The following PCDHGA2 variants were observed in gnomAD, a reference collection of about 807,000 sequenced individuals.
PCDHGA2 encodes the protein protocadherin gamma subfamily A, 2.
In PCDHGA2, 40 loss-of-function variants were observed where a neutral mutation model predicts 59.2. The observed-to-expected ratio is 0.68, with a 90% CI of 0.52 to 0.88. PCDHGA2 has a LOEUF of 0.88. Ranked by LOEUF, PCDHGA2 falls within the 40% of genes least tolerant of loss-of-function variation. The probability of loss-of-function intolerance (pLI) is 0.00; values close to 1 mark genes in which losing one functional copy is unlikely to be tolerated. For missense variants in PCDHGA2, 1,226 were observed against 1,204.0 expected, an observed-to-expected ratio of 1.02 and a Z score of -0.27; for synonymous variants, 560 against 526.0, an observed-to-expected ratio of 1.06 and a Z score of -0.89.
chr5:141,370,935 A>T (rs961930132), intron 1 of PCDHGA2: 2 of 1,613,850 alleles, frequency 1.2e-6, no homozygotes, highest in Admixed American at 3.3e-5. Flanking sequence ...CTTCTCTTTG[A>T]TTCAGAAGGA....
intron 1 of PCDHGA2, chr5:141,404,341 AAAC>A (rs769977252): frequency 6.2e-7 from 1 of 1,613,966 alleles, no homozygotes; most frequent in Non-Finnish European, 8.5e-7. Flanking sequence ...ACCTCCCGGA[AAAC>A]AACGCCAGAG....
chr5:141,454,618 C>T (rs1259161504), intron 1 of PCDHGA2, among the ~76,000 whole-genome samples: 1 of 151,470 alleles, frequency 6.6e-6, no homozygotes, highest in Non-Finnish European at 1.5e-5. Flanking sequence ...GTTGGTCAGG[C>T]TGGTCTCGAA....
At chr5:141,445,895 A>C (rs930350527) in intron 1 of PCDHGA2, among the ~76,000 whole-genome samples, 1 of 152,212 alleles carries the variant, frequency 6.6e-6, no homozygotes, top group Admixed American at 6.5e-5. Context: ...GGAGCTATTA[A>C]AATATTTTAA....
At position 141,339,881 on chromosome 5, in the gene PCDHGA2, A is replaced by G; in HGVS notation, c.910A>G (p.Ile304Val). ...LKSTSGELTIIKDLDYEDATF... is the reference protein window; with the variant it reads ...LKSTSGELTIVKDLDYEDATF... The stretch of plus-strand genomic sequence containing the variant: ...GTCAACATCTGGAGAACTGACAATC[A>G]TAAAAGATCTAGATTATGAGGATGC... Residue 304 changes from isoleucine to valine, a missense_variant, in exon 1 of 4, where the codon ATA becomes GTA. By Grantham distance (29) the Ile-to-Val change is conservative (BLOSUM62 3). Coordinates refer to ENST00000394576, the MANE Select transcript of PCDHGA2 (RefSeq NM_018915.4). 3 of 1,614,212 alleles carry G rather than the reference A, an allele frequency of 1.9e-6. No individual in the cohort carries two copies. Among genetic ancestry groups the G allele is most frequent in the Middle Eastern group, 1.6e-4 (1 of 6,062 alleles).
At chr5:141,402,361 T>G (rs2094255838) in intron 1 of PCDHGA2, among the ~76,000 whole-genome samples, 1 of 151,992 alleles carries the variant, frequency 6.6e-6, no homozygotes, top group Admixed American at 6.6e-5. Flanking sequence ...ATGAATGTAC[T>G]TCCAAACAAG....
At chr5:141,509,094 T>C (rs1038935185) in intron 3 of PCDHGA2, among the ~76,000 whole-genome samples, 4 of 152,152 alleles carry the variant, frequency 2.6e-5, no homozygotes, top group African/African-American at 9.7e-5. Context: ...AAATGGGGGC[T>C]GTAGAAACCT....
In PCDHGA2 at chr5:141,341,300, G is replaced by C; in HGVS notation, c.2329G>C (p.Asp777His). The C allele has an allele frequency of 6.2e-7, 1 of 1,614,232 alleles. No individual in the cohort carries two copies. Among genetic ancestry groups the C allele is most frequent in the Non-Finnish European group, 8.5e-7 (1 of 1,180,054 alleles). The change falls in exon 1 of 4, where the codon GAC (aspartate) becomes CAC (histidine). Residue 777 changes from aspartate (D) to histidine (H), a missense_variant. Asp to His is a moderately conservative substitution (Grantham distance 81). Coordinates refer to ENST00000394576, the MANE Select transcript of PCDHGA2 (RefSeq NM_018915.4). ...GATTTTCCCCCAGCCCAACTATGCG[G>C]ACACGCTCATCAGCCAGGAGAGCTG... ...HLIFPQPNYA[D>H]TLISQESCEK... is the part of the protein sequence containing the mutation.
At chr5:141,384,418 A>G (rs761365195) in intron 1 of PCDHGA2, 4 of 1,613,972 alleles carry the variant, frequency 2.5e-6, no homozygotes, top group Non-Finnish European at 3.4e-6. Context: ...CTATGTCTCC[A>G]TAAACTCTGA....
Position 141,340,450 on chromosome 5 carries a change from G to A in PCDHGA2, c.1479G>A (p.Glu493=). The A allele has an allele frequency of 1.9e-6, 3 of 1,614,200 alleles. 1 individual carries two copies. In the South Asian group the frequency reaches 3.3e-5, roughly 18 times the overall value. The change falls in exon 1 of 4, where the codon GAG becomes GAA. Residue 493 remains glutamate, a synonymous_variant. Coordinates refer to ENST00000394576, the MANE Select transcript of PCDHGA2 (RefSeq NM_018915.4). ...DNAHVTYSFA[E]DTVQGAPLSS... ...CTCATGTAACTTACTCTTTCGCGGAGGACACTGTTCAGGGGGCACCCTTAT... is the reference window on the plus strand; with the variant it reads ...CTCATGTAACTTACTCTTTCGCGGAAGACACTGTTCAGGGGGCACCCTTAT...
chr5:141,450,758 A>G (rs1007910264), intron 1 of PCDHGA2, among the ~76,000 whole-genome samples: 2 of 151,784 alleles, frequency 1.3e-5, no homozygotes, highest in African/African-American at 4.8e-5. Flanking sequence ...AAGTGCCGGG[A>G]TTACAGGCAT....
intron 1 of PCDHGA2, chr5:141,351,320 G>A (rs1172798095): frequency 6.2e-7 from 1 of 1,613,836 alleles, no homozygotes. Context: ...CCAGATTCCA[G>A]AGGATTCAGA....
rs1481706003 is a variant in PCDHGA2, at chr5:141,491,416, G to A, written c.2425-3391G>A. On this transcript the variant is annotated intron_variant, in intron 1 of 3. Transcript: ENST00000394576. This position sits in a 1 kb window ranked among gnomAD's most constrained non-coding sequence, Gnocchi z 6.9. ...TCAGGGAAACGCAGACGGGGACGGG[G>A]GTGGAGGGCAGTGCTGCAGGCGCCA... 3 of 1,614,138 alleles carry A rather than the reference G, an allele frequency of 1.9e-6. No homozygotes were observed. The highest frequency in any genetic ancestry group is 2.2e-5 in the East Asian group (1 of 44,874).
In PCDHGA2 at chr5:141,393,718, C is replaced by G. The variant is rs185464441; in HGVS notation, c.2424+52323C>G. Reference sequence around the variant, plus strand: ...CTTAATGAAAATACTGGGGAAATATCAATAGCAAAAAGTCTAGATTATGAA... The same window carrying G: ...CTTAATGAAAATACTGGGGAAATATGAATAGCAAAAAGTCTAGATTATGAA... On this transcript the variant is annotated intron_variant, in intron 1 of 3. Transcript: ENST00000394576. 1.4e-4 allele frequency: 220 copies of G among 1,613,644 alleles called. 1 individual carries two copies. Among genetic ancestry groups the G allele is most frequent in the Non-Finnish European group, 1.8e-4 (214 of 1,179,840 alleles).
intron 1 of PCDHGA2, chr5:141,408,869 A>G (rs754873472): frequency 1.9e-6 from 3 of 1,613,572 alleles, no homozygotes; most frequent in African/African-American, 2.7e-5. Flanking sequence ...CCCACCAAGA[A>G]GTGCCACCGC....
intron 1 of PCDHGA2, chr5:141,403,259 C>T: frequency 6.2e-7 from 1 of 1,613,866 alleles, no homozygotes; most frequent in Admixed American, 1.7e-5. Context: ...CCCGCGGTGT[C>T]TGGTGAACTT....
At chr5:141,509,015 C>G (rs1370464396) in intron 3 of PCDHGA2, among the ~76,000 whole-genome samples, 2 of 152,098 alleles carry the variant, frequency 1.3e-5, no homozygotes, top group African/African-American at 4.8e-5. Context: ...AAGTGGGCAG[C>G]TGCTCCCTCC....
chr5:141,392,597 C>G (rs761805266), intron 1 of PCDHGA2: 11 of 501,346 alleles, frequency 2.2e-5, no homozygotes, highest in Non-Finnish European at 3.8e-5. Context: ...TGTTCACCTA[C>G]TGGAAGACAA....
chr5:141,421,047 C>G, intron 1 of PCDHGA2: 1 of 552,794 alleles, frequency 1.8e-6, no homozygotes, highest in Middle Eastern at 4.8e-4. Flanking sequence ...CCTCCCCCGC[C>G]TCTACCACAC....
rs757410882 is a variant in PCDHGA2 at position 141,421,504 on chromosome 5, C to T, written c.2425-73303C>T. 8 of 1,614,062 alleles carry T rather than the reference C, an allele frequency of 5.0e-6. No homozygotes were observed. The highest frequency in any genetic ancestry group is 3.3e-5 in the South Asian group (3 of 91,088). ...CTTGATCACGGCAGGCAGGATAGACCGGGAGGAGCTCTGTGAGACGGTGTC... is the reference window on the plus strand; with the variant it reads ...CTTGATCACGGCAGGCAGGATAGACTGGGAGGAGCTCTGTGAGACGGTGTC... On this transcript the variant is annotated intron_variant, in intron 1 of 3. Transcript: ENST00000394576.
Sources: allele counts gnomAD v4.1 joint callset (sites outside exome capture counted in the v4.1 genomes callset), GRCh38; gene constraint gnomAD v4.1.1; non-coding constraint Gnocchi (gnomAD v3.1); transcripts MANE v1.5; gene names NCBI Gene and HGNC (gene_info 2026-07-23, HGNC 2026-07-21).